SGCZ: variants seen among roughly 807,000 people sequenced by gnomAD.
SGCZ encodes sarcoglycan zeta, also known as zeta-sarcoglycan.
Under a neutral mutation model 41.3 loss-of-function variants are expected in SGCZ, and 40 were observed. The observed-to-expected ratio is 0.97, with a 90% CI of 0.75 to 1.26. The LOEUF (loss-of-function observed/expected upper bound fraction) is 1.26, where lower values mean the gene tolerates loss of function less well. Ranked by LOEUF, SGCZ falls within the 50% of genes most tolerant of loss-of-function variation. The pLI is 0.00. For missense variants in SGCZ, 552 were observed against 369.8 expected (o/e 1.49, Z -4.04); for synonymous variants, 206 against 137.5 (o/e 1.50, Z -3.49).
chr8:14,801,186 T>C (rs972103319), intron 1 of SGCZ, among the ~76,000 whole-genome samples: 3 of 152,134 alleles, frequency 2.0e-5, no homozygotes, highest in Non-Finnish European at 2.9e-5. Flanking sequence ...TGTGTTTGTG[T>C]TGTGTGTGTA....
intron 2 of SGCZ, among the ~76,000 whole-genome samples, chr8:14,545,495 C>A (rs1289085119): frequency 1.3e-5 from 2 of 150,794 alleles, no homozygotes; most frequent in Non-Finnish European, 3.0e-5. Flanking sequence ...ACTTAAAATT[C>A]TTTTTCTAAA....
intron 1 of SGCZ, among the ~76,000 whole-genome samples, chr8:15,013,832 C>G (rs1334216275): frequency 6.6e-6 from 1 of 152,114 alleles, no homozygotes; most frequent in African/African-American, 2.4e-5. Flanking sequence ...GACAAGAAAA[C>G]AGCAAACGAG....
At chr8:14,613,782 G>T (rs7009853) in intron 1 of SGCZ, among the ~76,000 whole-genome samples, 51,641 of 151,900 alleles carry the variant, frequency 0.34, 9,021 homozygotes, top group East Asian at 0.61. Context: ...TTAAACAGGG[G>T]TTTAATGAAG....
intron 1 of SGCZ, among the ~76,000 whole-genome samples, chr8:14,729,877 G>T (rs1054205260): frequency 1.3e-5 from 2 of 152,156 alleles, no homozygotes; most frequent in Non-Finnish European, 2.9e-5. Context: ...TTGAGGTCAG[G>T]ATTTCAGGAC....
At chr8:14,838,581 C>T (rs1357191550) in intron 1 of SGCZ, among the ~76,000 whole-genome samples, 2 of 152,126 alleles carry the variant, frequency 1.3e-5, no homozygotes, top group Admixed American at 6.5e-5. Context: ...AGCTGTTTAC[C>T]TCCCCTGCCT....
rs546882388 is a variant in SGCZ, at chr8:14,209,184, T to C, written c.424+28408A>G. ...TGGACAGCCTTCCCAGAACGTTATG[T>C]AAACGTCACATGTTGTCCAACCAAT... is the stretch of plus-strand genomic sequence containing the variant. On this transcript the variant is annotated intron_variant, in intron 4 of 7. Coordinates refer to ENST00000382080, the MANE Select transcript of SGCZ (RefSeq NM_139167.4). 3.9e-5 allele frequency among the ~76,000 whole-genome samples: 6 copies of C among 152,330 alleles called. No homozygotes were observed. In the South Asian group the frequency reaches 1.0e-3, roughly 26 times the overall value.
intron 2 of SGCZ, among the ~76,000 whole-genome samples, chr8:14,464,655 T>C (rs192441110): frequency 6.6e-6 from 1 of 151,740 alleles, no homozygotes; most frequent in African/African-American, 2.4e-5. Flanking sequence ...AGTTTGTTCT[T>C]CTTTTTATCA....
At chr8:14,863,410 G>A (rs139786421) in intron 1 of SGCZ, among the ~76,000 whole-genome samples, 3,600 of 151,896 alleles carry the variant, frequency 0.024, 53 homozygotes, top group Middle Eastern at 0.048. Context: ...CTGCAGCCTC[G>A]AACACCCAGG....
intron 1 of SGCZ, among the ~76,000 whole-genome samples, chr8:15,039,365 C>T: frequency 6.6e-6 from 1 of 152,088 alleles, no homozygotes; most frequent in East Asian, 1.9e-4. Context: ...GTGAAATCAG[C>T]CAGGCACAGA....
At chr8:14,957,002 T>A (rs991715594) in intron 1 of SGCZ, among the ~76,000 whole-genome samples, 1 of 152,028 alleles carries the variant, frequency 6.6e-6, no homozygotes, top group Admixed American at 6.6e-5. Context: ...CACACACAAT[T>A]ACATGTGCCC....
intron 1 of SGCZ, among the ~76,000 whole-genome samples, chr8:14,752,829 T>C (rs959888536): frequency 1.1e-4 from 16 of 152,184 alleles, no homozygotes; most frequent in Admixed American, 6.6e-5. Flanking sequence ...TTTAGATCTA[T>C]TGGAAAAACA....
chr8:15,028,471 G>A (rs73205408), intron 1 of SGCZ, among the ~76,000 whole-genome samples: 1 of 112,852 alleles, frequency 8.9e-6, no homozygotes, highest in Non-Finnish European at 2.0e-5. Flanking sequence ...GAACACCATC[G>A]TCTAAGTTGA....
chr8:14,959,888 C>A (rs1346031439), intron 1 of SGCZ, among the ~76,000 whole-genome samples: 3 of 152,104 alleles, frequency 2.0e-5, no homozygotes, highest in Non-Finnish European at 2.9e-5. Flanking sequence ...TTAGCTTTTC[C>A]TGATTTTCCA....
chr8:14,876,399 A>T (rs917149842), intron 1 of SGCZ, among the ~76,000 whole-genome samples: 4 of 152,186 alleles, frequency 2.6e-5, no homozygotes, highest in Non-Finnish European at 5.9e-5. Flanking sequence ...TGAGAAAGAC[A>T]AAACACCTCA....
intron 1 of SGCZ, among the ~76,000 whole-genome samples, chr8:15,183,393 T>G (rs2117092320): frequency 6.6e-6 from 1 of 152,336 alleles, no homozygotes; most frequent in Non-Finnish European, 1.5e-5. Context: ...CACCAGATAT[T>G]AGAATTTTTC....
chr8:14,875,043 T>C (rs560478793), intron 1 of SGCZ, among the ~76,000 whole-genome samples: 6 of 152,282 alleles, frequency 3.9e-5, no homozygotes, highest in East Asian at 1.9e-4. Context: ...TCTGTGTGTA[T>C]TGCTATAACA....
In SGCZ at chr8:14,251,945, G is replaced by C. The variant is rs563626249; in HGVS notation, c.337-14266C>G. 3.3e-5 allele frequency among the ~76,000 whole-genome samples: 5 copies of C among 152,098 alleles called. No homozygotes were observed. In the South Asian group the frequency reaches 6.2e-4, roughly 19 times the overall value. ...GGATGGTCTCGAACTCCTGACCTTA[G>C]GTCATCCTCCCACCTCGACCTCCCA... On this transcript the variant is annotated intron_variant, in intron 3 of 7. Coordinates refer to ENST00000382080, the MANE Select transcript of SGCZ (RefSeq NM_139167.4).
intron 2 of SGCZ, among the ~76,000 whole-genome samples, chr8:14,421,516 A>T (rs1301596825): frequency 6.6e-6 from 1 of 152,146 alleles, no homozygotes; most frequent in African/African-American, 2.4e-5. Context: ...TCCAAATTTG[A>T]AATTCCTGGA....
At chr8:14,256,900 C>A (rs1799484481) in intron 3 of SGCZ, among the ~76,000 whole-genome samples, 1 of 152,138 alleles carries the variant, frequency 6.6e-6, no homozygotes, top group Admixed American at 6.5e-5. Context: ...ATTCCTCTCA[C>A]CATTACGGCC....
Sources: allele counts gnomAD v4.1 joint callset (sites outside exome capture counted in the v4.1 genomes callset), GRCh38; gene constraint gnomAD v4.1.1; transcripts MANE v1.5; gene names NCBI Gene and HGNC (gene_info 2026-07-23, HGNC 2026-07-21).